Variants in CSNK2A2IP observed in about 807,000 individuals in gnomAD.
CSNK2A2IP encodes casein kinase II subunit alpha'-interacting protein.
the CSNK2A2IP span, among the ~76,000 whole-genome samples, chr3:88,420,232 T>C: frequency 3.9e-5 from 6 of 152,212 alleles, no homozygotes; most frequent in African/African-American, 1.4e-4. Context: ...CATAGAGGTA[T>C]GTCTCACTGT....
At chr3:88,387,014 A>G in the CSNK2A2IP span, among the ~76,000 whole-genome samples, 22 of 152,330 alleles carry the variant, frequency 1.4e-4, no homozygotes, top group African/African-American at 4.6e-4. Flanking sequence ...GACAAGTCAC[A>G]TGGAGATACA....
At chr3:88,393,195 T>G in the CSNK2A2IP span, among the ~76,000 whole-genome samples, 14 of 152,234 alleles carry the variant, frequency 9.2e-5, no homozygotes, top group Non-Finnish European at 1.8e-4. Flanking sequence ...ATAGTCATTA[T>G]GTGGAATATG....
chr3:88,359,809 C>T, the CSNK2A2IP span, among the ~76,000 whole-genome samples: 275 of 152,074 alleles, frequency 1.8e-3, 1 homozygote, highest in Admixed American at 3.5e-3. Context: ...GAGAATGTTC[C>T]TTGTGCTGAG....
chr3:88,353,807 G>A, the CSNK2A2IP span, among the ~76,000 whole-genome samples: 1 of 152,148 alleles, frequency 6.6e-6, no homozygotes, highest in African/African-American at 2.4e-5. Flanking sequence ...AGAGAGCCTT[G>A]AGTTGAAATC....
chr3:88,424,397 G>C, the CSNK2A2IP span, among the ~76,000 whole-genome samples: 1 of 152,160 alleles, frequency 6.6e-6, no homozygotes, highest in African/African-American at 2.4e-5. Context: ...ATAATGTGAC[G>C]TTGTACAAAC....
the CSNK2A2IP span, among the ~76,000 whole-genome samples, chr3:88,419,596 G>T: frequency 6.6e-6 from 1 of 152,066 alleles, no homozygotes; most frequent in Non-Finnish European, 1.5e-5. Flanking sequence ...CGGCAGAATG[G>T]TTTATATTTC....
chr3:88,359,384 T>C, the CSNK2A2IP span, among the ~76,000 whole-genome samples: 21 of 152,158 alleles, frequency 1.4e-4, no homozygotes, highest in African/African-American at 5.1e-4. Context: ...CTCTGATCTT[T>C]TATTATTTTT....
the CSNK2A2IP span, among the ~76,000 whole-genome samples, chr3:88,353,030 T>C: frequency 1.3e-5 from 2 of 152,150 alleles, no homozygotes. Context: ...TTACAATACT[T>C]GTTTTCTAAA....
the CSNK2A2IP span, among the ~76,000 whole-genome samples, chr3:88,341,641 T>A: frequency 6.6e-6 from 1 of 151,946 alleles, no homozygotes; most frequent in Non-Finnish European, 1.5e-5. Context: ...CTACTTTTAG[T>A]TTCACTTTGA....
At chr3:88,442,227 A>C in the CSNK2A2IP span, among the ~76,000 whole-genome samples, 1 of 152,048 alleles carries the variant, frequency 6.6e-6, no homozygotes, top group Non-Finnish European at 1.5e-5. Flanking sequence ...CTTTTTAGTG[A>C]CAGGGTCTCA....
the CSNK2A2IP span, among the ~76,000 whole-genome samples, chr3:88,436,261 A>G: frequency 2.0e-5 from 3 of 152,178 alleles, no homozygotes; most frequent in Admixed American, 1.3e-4. Flanking sequence ...ATGAAAGGTT[A>G]ATCAATTTTT....
chr3:88,437,329 A>T, the CSNK2A2IP span, among the ~76,000 whole-genome samples: 1 of 152,218 alleles, frequency 6.6e-6, no homozygotes, highest in Non-Finnish European at 1.5e-5. Context: ...CCATTAACAG[A>T]GTTAGACCAA....
At chr3:88,433,021 C>G in the CSNK2A2IP span, among the ~76,000 whole-genome samples, 4 of 151,770 alleles carry the variant, frequency 2.6e-5, no homozygotes, top group Non-Finnish European at 5.9e-5. Context: ...ATTGGCTAGA[C>G]AGTATTTTAA....
chr3:88,386,434 C>T, the CSNK2A2IP span, among the ~76,000 whole-genome samples: 2 of 152,182 alleles, frequency 1.3e-5, no homozygotes, highest in Admixed American at 1.3e-4. Context: ...CCGCAATACT[C>T]AATTTCTCAT....
chr3:88,411,241 T>G, the CSNK2A2IP span, among the ~76,000 whole-genome samples: 1 of 151,970 alleles, frequency 6.6e-6, no homozygotes, highest in African/African-American at 2.4e-5. Flanking sequence ...TGTTTTCTTC[T>G]AATTTTGAAG....
the CSNK2A2IP span, among the ~76,000 whole-genome samples, chr3:88,429,202 T>C: frequency 1.3e-5 from 2 of 152,008 alleles, no homozygotes; most frequent in Non-Finnish European, 1.5e-5. Flanking sequence ...AGCATGAGTC[T>C]TGGCACTTTG....
At chr3:88,467,214 C>CT in the CSNK2A2IP span, 1 of 400,724 alleles carries the variant, frequency 2.5e-6, no homozygotes, top group Non-Finnish European at 4.4e-6. Context: ...CCACTTCCTC[C>CT]TCCTCCACCA....
the CSNK2A2IP span, among the ~76,000 whole-genome samples, chr3:88,428,580 C>T: frequency 6.6e-6 from 1 of 152,094 alleles, no homozygotes; most frequent in East Asian, 1.9e-4. Flanking sequence ...CATTTGCCCT[C>T]ATGCTGTTCT....
At chr3:88,344,696 G>A in the CSNK2A2IP span, among the ~76,000 whole-genome samples, 1 of 151,826 alleles carries the variant, frequency 6.6e-6, no homozygotes, top group African/African-American at 2.4e-5. Context: ...TAGAACTACA[G>A]GAAATAAGGG....
Sources: gnomAD v4.1 joint callset for allele counts (sites outside exome capture counted in the v4.1 genomes callset) on GRCh38, gnomAD v4.1.1 for gene constraint, MANE v1.5 for transcripts, NCBI Gene and HGNC (gene_info 2026-07-23, HGNC 2026-07-21) for gene names.